Variants in CADM2 observed in about 807,000 individuals in gnomAD.
The protein encoded by CADM2 is cell adhesion molecule 2, also known as immunoglobulin superfamily member 4D.
CADM2 carries 12 observed loss-of-function variants against 49.8 expected under a neutral mutation model. The observed-to-expected ratio is 0.24, with a 90% confidence interval of 0.15 to 0.39. The LOEUF is 0.39. Among genes scored for constraint, CADM2 ranks in the 10% least tolerant of loss-of-function variants. The pLI, the probability that CADM2 is intolerant of heterozygous loss-of-function variation, is 1.00. For missense variants in CADM2, 378 were observed against 492.3 expected (o/e 0.77, Z 2.20); for synonymous variants, 214 against 175.4 (o/e 1.22, Z -1.74).
intron 1 of CADM2, among the ~76,000 whole-genome samples, chr3:85,539,965 A>T (rs1009786046): frequency 6.6e-6 from 1 of 152,112 alleles, no homozygotes; most frequent in African/African-American, 2.4e-5. Flanking sequence ...ATGACTGGGG[A>T]TGATAATGTC....
intron 3 of CADM2, among the ~76,000 whole-genome samples, chr3:85,833,064 C>T (rs909461231): frequency 6.6e-6 from 1 of 151,618 alleles, no homozygotes; most frequent in Non-Finnish European, 1.5e-5. Flanking sequence ...TTATCAAAAG[C>T]ATTTCTGCAT....
chr3:85,564,429 C>T (rs2062195000), intron 1 of CADM2, among the ~76,000 whole-genome samples: 1 of 151,994 alleles, frequency 6.6e-6, no homozygotes, highest in African/African-American at 2.4e-5. Flanking sequence ...TTATATGGCT[C>T]ATCATATCAA....
At chr3:85,430,952 A>G (rs1215439928) in intron 1 of CADM2, among the ~76,000 whole-genome samples, 1 of 152,164 alleles carries the variant, frequency 6.6e-6, no homozygotes, top group Admixed American at 6.5e-5. Flanking sequence ...GTGATTATTT[A>G]ATAAGGTTAA....
intron 1 of CADM2, among the ~76,000 whole-genome samples, chr3:85,630,684 T>A (rs958897485): frequency 6.6e-6 from 1 of 152,070 alleles, no homozygotes; most frequent in Non-Finnish European, 1.5e-5. Context: ...AAAATTTGTA[T>A]CAAGAATTAC....
intron 1 of CADM2, among the ~76,000 whole-genome samples, chr3:85,186,859 C>T (rs537784361): frequency 6.6e-6 from 1 of 152,082 alleles, no homozygotes; most frequent in Non-Finnish European, 1.5e-5. Context: ...CAGGTAATTT[C>T]TGTAAGGGTA....
intron 8 of CADM2, among the ~76,000 whole-genome samples, chr3:86,017,559 C>T (rs1255798447): frequency 6.6e-6 from 1 of 151,650 alleles, no homozygotes; most frequent in Non-Finnish European, 1.5e-5. Context: ...AGGAATCCCG[C>T]CTCTACAAAA....
At chr3:85,135,432 T>C (rs2039386549) in intron 1 of CADM2, among the ~76,000 whole-genome samples, 1 of 152,058 alleles carries the variant, frequency 6.6e-6, no homozygotes, top group East Asian at 1.9e-4. Context: ...AATTTTGTAA[T>C]GTAAACATAA....
chr3:85,798,620 T>C (rs983840911), intron 2 of CADM2, among the ~76,000 whole-genome samples: 5 of 152,186 alleles, frequency 3.3e-5, no homozygotes, highest in Non-Finnish European at 7.3e-5. Flanking sequence ...TCTTTTCCAT[T>C]GCTCTATATT....
intron 1 of CADM2, among the ~76,000 whole-genome samples, chr3:85,400,359 T>G (rs1254040130): frequency 6.6e-6 from 1 of 152,240 alleles, no homozygotes; most frequent in East Asian, 1.9e-4. Flanking sequence ...GCCAGTATTT[T>G]ACTGAGGATT....
chr3:85,130,258 G>C (rs2039179412), intron 1 of CADM2, among the ~76,000 whole-genome samples: 1 of 152,010 alleles, frequency 6.6e-6, no homozygotes, highest in Non-Finnish European at 1.5e-5. Flanking sequence ...CTAGAAGAAA[G>C]TTTTGATGCA....
At chr3:85,539,328 T>A in intron 1 of CADM2, among the ~76,000 whole-genome samples, 1 of 152,194 alleles carries the variant, frequency 6.6e-6, no homozygotes, top group Non-Finnish European at 1.5e-5. Context: ...TAGATGATAC[T>A]AAATTTAAAA....
chr3:85,537,862 A>T (rs1402134545), intron 1 of CADM2, among the ~76,000 whole-genome samples: 1 of 152,138 alleles, frequency 6.6e-6, no homozygotes, highest in East Asian at 1.9e-4. Context: ...AATTTATCAT[A>T]ACCTTGACTC....
chr3:85,187,076 C>G (rs574789718), intron 1 of CADM2, among the ~76,000 whole-genome samples: 1 of 152,158 alleles, frequency 6.6e-6, no homozygotes, highest in South Asian at 2.1e-4. Flanking sequence ...TGAAATAAAC[C>G]AGTGTGTATA....
intron 1 of CADM2, among the ~76,000 whole-genome samples, chr3:85,033,605 A>T (rs1013194937): frequency 6.6e-6 from 1 of 152,188 alleles, no homozygotes; most frequent in African/African-American, 2.4e-5. Context: ...ATTGGAGCAA[A>T]TAAAATGATA....
intron 8 of CADM2, among the ~76,000 whole-genome samples, chr3:86,028,724 A>G (rs1192527690): frequency 6.6e-6 from 1 of 152,184 alleles, no homozygotes; most frequent in Non-Finnish European, 1.5e-5. Flanking sequence ...GAAGCCTGAC[A>G]TGGCTGGATT....
intron 1 of CADM2, among the ~76,000 whole-genome samples, chr3:85,114,290 G>C (rs2038564392): frequency 6.6e-6 from 1 of 152,068 alleles, no homozygotes; most frequent in Non-Finnish European, 1.5e-5. Flanking sequence ...ACAGAAGTGT[G>C]AATTGTGGTG....
At chr3:85,541,323 T>C (rs2061533987) in intron 1 of CADM2, among the ~76,000 whole-genome samples, 1 of 151,646 alleles carries the variant, frequency 6.6e-6, no homozygotes, top group African/African-American at 2.4e-5. Flanking sequence ...CAAACACATA[T>C]GCATGTATAT....
chr3:85,189,461 T>A (rs1227081467), intron 1 of CADM2, among the ~76,000 whole-genome samples: 1 of 152,198 alleles, frequency 6.6e-6, no homozygotes, highest in African/African-American at 2.4e-5. Flanking sequence ...CAGCTCATTT[T>A]GATAGAAAAT....
chr3:85,790,106 G>A (rs987324276), intron 2 of CADM2, among the ~76,000 whole-genome samples: 4 of 152,112 alleles, frequency 2.6e-5, no homozygotes, highest in Non-Finnish European at 4.4e-5. Context: ...AAACTAATGG[G>A]AGAAATTAGA....
Sources: allele counts gnomAD v4.1 joint callset (sites outside exome capture counted in the v4.1 genomes callset), GRCh38; gene constraint gnomAD v4.1.1; transcripts MANE v1.5; gene names NCBI Gene and HGNC (gene_info 2026-07-23, HGNC 2026-07-21).